ZFHX4: variants seen among roughly 807,000 people sequenced by gnomAD.
The protein encoded by ZFHX4 is zinc finger homeobox 4, also known as zinc finger homeobox protein 4.
Under a neutral mutation model 267.6 loss-of-function variants are expected in ZFHX4, and 56 were observed. The ratio of observed to expected loss-of-function variants is 0.21; its 90% CI spans 0.17 to 0.26. The LOEUF (loss-of-function observed/expected upper bound fraction) is 0.26, where lower values mean the gene tolerates loss of function less well. ZFHX4 is among the 10% of genes least tolerant of loss of function. ZFHX4 has a pLI of 1.00. For missense variants in ZFHX4, 4,332 were observed against 4,420.0 expected, an observed-to-expected ratio of 0.98 and a Z score of 0.56; for synonymous variants, 1,778 against 1,665.6, an observed-to-expected ratio of 1.07 and a Z score of -1.64.
At chr8:76,827,340 G>T (rs944509192) in intron 4 of ZFHX4, among the ~76,000 whole-genome samples, 8 of 152,170 alleles carry the variant, frequency 5.3e-5, no homozygotes, top group African/African-American at 1.9e-4. Flanking sequence ...AGGCTTGCTT[G>T]CAGGAGCTCA....
intron 4 of ZFHX4, among the ~76,000 whole-genome samples, chr8:76,808,461 G>A (rs549450807): frequency 6.6e-6 from 1 of 152,098 alleles, no homozygotes; most frequent in Non-Finnish European, 1.5e-5. Context: ...GGTACACTGC[G>A]AAGACCTAGT....
chr8:76,818,698 G>A (rs76368842), intron 4 of ZFHX4, among the ~76,000 whole-genome samples: 4,673 of 152,148 alleles, frequency 0.031, 105 homozygotes, highest in Middle Eastern at 0.051. Context: ...GATCACTTGA[G>A]CCCAGGAGTT....
Position 76,850,869 on chromosome 8 carries a change from G to C in ZFHX4, c.3965-17G>C. 6.4e-7 allele frequency: 1 copy of C among 1,554,136 alleles called. No individual in the cohort carries two copies. Among genetic ancestry groups the C allele is most frequent in the Non-Finnish European group, 8.7e-7 (1 of 1,152,556 alleles). On this transcript the variant is annotated splice_polypyrimidine_tract_variant and intron_variant, in intron 9 of 10. Transcript: ENST00000651372. ...TTTTCTTATTGTAAGAGAGATGTTT[G>C]TGCTTTTTCCTAATAGGTGAAAGTC...
At chr8:76,685,356 G>A (rs546910421) in intron 1 of ZFHX4, among the ~76,000 whole-genome samples, 129 of 152,230 alleles carry the variant, frequency 8.5e-4, no homozygotes, top group Middle Eastern at 3.4e-3. Context: ...AAGTCTATTA[G>A]AAGAGGCTGG....
chr8:76,837,865 G>A (rs764178994), intron 5 of ZFHX4, among the ~76,000 whole-genome samples: 6 of 152,114 alleles, frequency 3.9e-5, no homozygotes, highest in Non-Finnish European at 8.8e-5. Flanking sequence ...CTAGTTCAGG[G>A]TTCAGAGAAG....
At chr8:76,770,299 A>G (rs191298938) in intron 3 of ZFHX4, among the ~76,000 whole-genome samples, 16 of 152,262 alleles carry the variant, frequency 1.1e-4, no homozygotes, top group Admixed American at 1.0e-3. Context: ...CAATGGTAGC[A>G]TCCTTCATTT....
At chr8:76,810,964 C>T (rs2131844286) in intron 4 of ZFHX4, among the ~76,000 whole-genome samples, 1 of 152,248 alleles carries the variant, frequency 6.6e-6, no homozygotes, top group Admixed American at 6.5e-5. Flanking sequence ...CCCCTCCTTG[C>T]TAAGAAGCTA....
intron 3 of ZFHX4, among the ~76,000 whole-genome samples, chr8:76,774,079 C>T (rs1810342642): frequency 6.6e-6 from 1 of 152,102 alleles, no homozygotes; most frequent in African/African-American, 2.4e-5. Flanking sequence ...GGACCCCCAT[C>T]CAAGTTCTGG....
Position 76,854,705 on chromosome 8 carries a change from G to A in ZFHX4, c.7784G>A (p.Gly2595Glu). The A allele has an allele frequency of 1.2e-6, 2 of 1,613,728 alleles. No individual in the cohort carries two copies. The highest frequency in any genetic ancestry group is 1.7e-6 in the Non-Finnish European group (2 of 1,179,826). ...GATAATAATTGCAGTGAAAAAGAAG[G>A]AGGGAATAGCGGTGAAGACCAACAC... ...KEDNNCSEKE[G>E]GNSGEDQHRD... Residue 2595 changes from glycine to glutamate, a missense_variant, in exon 10 of 11, where the codon GGA becomes GAA. Physicochemically the swap from Gly to Glu is moderately conservative, Grantham distance 98. Transcript: ENST00000651372.
intron 4 of ZFHX4, among the ~76,000 whole-genome samples, chr8:76,827,796 A>G (rs10103292): frequency 0.055 from 8,328 of 152,230 alleles, 430 homozygotes; most frequent in African/African-American, 0.13. Flanking sequence ...CTTACTATAT[A>G]AAAATAACTT....
At chr8:76,691,954 C>T (rs16939334) in intron 1 of ZFHX4, among the ~76,000 whole-genome samples, 7,978 of 152,104 alleles carry the variant, frequency 0.052, 333 homozygotes, top group East Asian at 0.22. Context: ...ATGAATTTGG[C>T]AATGGATATG....
intron 1 of ZFHX4, 63 bp from the exon 2 acceptor site, chr8:76,703,980 G>A (rs1808172482): frequency 1.8e-6 from 2 of 1,113,452 alleles, no homozygotes; most frequent in Non-Finnish European, 2.5e-6. Context: ...TTAGTGATGG[G>A]CTATTAGTGA....
chr8:76,711,866 C>T (rs1563478013), intron 3 of ZFHX4, among the ~76,000 whole-genome samples: 1 of 152,108 alleles, frequency 6.6e-6, no homozygotes, highest in Non-Finnish European at 1.5e-5. Context: ...CTCAGTATGG[C>T]CAAGACTTTT....
intron 1 of ZFHX4, among the ~76,000 whole-genome samples, chr8:76,690,390 AC>A (rs1333228440): frequency 2.0e-5 from 3 of 152,076 alleles, no homozygotes; most frequent in African/African-American, 7.2e-5. Context: ...ATTGTTAAAA[AC>A]AAAATGAAAC....
rs1028163993 is a variant in ZFHX4 at position 76,852,615 on chromosome 8, C to G, written c.5694C>G (p.Pro1898=). Residue 1898 remains proline, a synonymous_variant, in exon 10 of 11, where the codon CCC becomes CCG. Coordinates refer to ENST00000651372, the MANE Select transcript of ZFHX4 (RefSeq NM_024721.5). ...QKSLEPSIPP[P]RIASGARGNA... ...CCTTGGAACCATCCATCCCACCACC[C>G]CGAATAGCTTCAGGGGCCAGAGGAA... 3 of 1,612,656 alleles carry G rather than the reference C, an allele frequency of 1.9e-6. No homozygotes were observed. The highest frequency in any genetic ancestry group is 1.1e-5 in the South Asian group (1 of 90,906).
intron 4 of ZFHX4, among the ~76,000 whole-genome samples, chr8:76,799,069 G>T (rs184224207): frequency 1.4e-3 from 210 of 152,296 alleles, no homozygotes; most frequent in African/African-American, 4.8e-3. Context: ...CCAAGGCAAT[G>T]TTCCAAATGA....
chr8:76,798,580 C>T (rs1297577897), intron 4 of ZFHX4, among the ~76,000 whole-genome samples: 1 of 152,140 alleles, frequency 6.6e-6, no homozygotes, highest in Non-Finnish European at 1.5e-5. Context: ...AGCATGAGAG[C>T]TGCTGGTTTA....
At chr8:76,827,269 C>G (rs929077639) in intron 4 of ZFHX4, among the ~76,000 whole-genome samples, 2 of 152,210 alleles carry the variant, frequency 1.3e-5, no homozygotes, top group African/African-American at 4.8e-5. Flanking sequence ...TAATAGGGTT[C>G]ATGCTACTGT....
chr8:76,771,714 C>A (rs531604385), intron 3 of ZFHX4, among the ~76,000 whole-genome samples: 1 of 152,114 alleles, frequency 6.6e-6, no homozygotes, highest in Non-Finnish European at 1.5e-5. Context: ...AGCCACTGTA[C>A]CCAAACAGAT....
Sources: allele counts gnomAD v4.1 joint callset (sites outside exome capture counted in the v4.1 genomes callset), GRCh38; gene constraint gnomAD v4.1.1; transcripts MANE v1.5; gene names NCBI Gene and HGNC (gene_info 2026-07-23, HGNC 2026-07-21).